Variants in KMT2C observed in about 807,000 individuals in gnomAD.
KMT2C encodes lysine methyltransferase 2C, also known as histone-lysine N-methyltransferase 2C.
In KMT2C, 88 loss-of-function variants were observed where a neutral mutation model predicts 507.9. That is an observed-to-expected ratio of 0.17 (90% confidence interval 0.15 to 0.21). The LOEUF (loss-of-function observed/expected upper bound fraction) is 0.21. KMT2C is among the 10% of genes least tolerant of loss of function. KMT2C has a pLI of 1.00. For missense variants in KMT2C, 4,954 were observed against 5,957.8 expected (o/e 0.83, Z 5.55); for synonymous variants, 2,049 against 2,080.8 (o/e 0.98, Z 0.42).
intron 14 of KMT2C, among the ~76,000 whole-genome samples, chr7:152,240,653 CCA>C (rs2095366164): frequency 6.6e-6 from 1 of 152,292 alleles, no homozygotes; most frequent in Admixed American, 6.5e-5. Flanking sequence ...CGGTTTCATC[CCA>C]GTCTTCCCCA....
chr7:152,154,070 T>G lies in KMT2C; in HGVS notation c.12216A>C (p.Pro4072=). 6.2e-7 allele frequency: 1 copy of G among 1,614,128 alleles called. No individual in the cohort carries two copies. The highest frequency in any genetic ancestry group is 8.5e-7 in the Non-Finnish European group (1 of 1,179,970). Residue 4072 remains proline, a synonymous_variant, in exon 48 of 59, where the codon CCA becomes CCC. Coordinates refer to ENST00000262189, the MANE Select transcript of KMT2C (RefSeq NM_170606.3). The part of the protein sequence containing the change: ...LYFASPFGPS[P]NGPRSGLISV... ...ATATAAGACCTGATCTGGGACCATT[T>G]GGGGAAGGACCAAAAGGTGACGCAA... is the stretch of plus-strand genomic sequence containing the variant.
chr7:152,203,295 CA>C (rs1165528113), intron 25 of KMT2C, among the ~76,000 whole-genome samples: 2 of 151,484 alleles, frequency 1.3e-5, no homozygotes, highest in Non-Finnish European at 2.9e-5. Context: ...GATTACAAAG[CA>C]AAAACGTATT....
At chr7:152,349,588 C>G (rs2097093529) in intron 2 of KMT2C, among the ~76,000 whole-genome samples, 1 of 152,054 alleles carries the variant, frequency 6.6e-6, no homozygotes, top group African/African-American at 2.4e-5. Context: ...AAAGGCAAAA[C>G]TATGGAGACA....
At chr7:152,431,534 A>C (rs1042828813) in intron 1 of KMT2C, among the ~76,000 whole-genome samples, 10 of 151,300 alleles carry the variant, frequency 6.6e-5, no homozygotes, top group African/African-American at 2.4e-4. Flanking sequence ...TGAACCTGGG[A>C]GGCGGAAGTT....
intron 9 of KMT2C, among the ~76,000 whole-genome samples, chr7:152,255,137 ATATATATACATATATATATATGTGTG>A (rs2095635565): frequency 7.8e-6 from 1 of 127,692 alleles, no homozygotes; most frequent in Non-Finnish European, 1.6e-5. Context: ...ATATATATAT[ATATATATACATATATATATATGTGTG>A]TGTGTGTGTG....
chr7:152,176,217 C>A lies in KMT2C; in HGVS notation c.9236G>T (p.Arg3079Leu). 1 of 1,610,096 alleles carries A rather than the reference C, an allele frequency of 6.2e-7. No individual in the cohort carries two copies. The highest frequency in any genetic ancestry group is 8.5e-7 in the Non-Finnish European group (1 of 1,177,854). ...QRQMQAMIRQ[R>L]SEPFFPNIDF... ...AATATTAGGGAAGAACGGTTCTGATCGCTGACGAATCATGGCTTGCATCTG... is the reference window on the plus strand; with the variant it reads ...AATATTAGGGAAGAACGGTTCTGATAGCTGACGAATCATGGCTTGCATCTG... The change falls in exon 38 of 59, where the codon CGA becomes CTA. Residue 3079 changes from arginine to leucine, a missense_variant. Arg to Leu is a moderately radical substitution (Grantham distance 102). Transcript: ENST00000262189.
chr7:152,400,193 TC>T (rs1482680600), intron 1 of KMT2C, among the ~76,000 whole-genome samples: 1 of 151,986 alleles, frequency 6.6e-6, no homozygotes, highest in Non-Finnish European at 1.5e-5. Context: ...GTGCCTGTAG[TC>T]CCAGTTACCT....
intron 3 of KMT2C, among the ~76,000 whole-genome samples, chr7:152,318,102 C>A (rs1302508802): frequency 6.6e-6 from 1 of 152,010 alleles, no homozygotes; most frequent in Non-Finnish European, 1.5e-5. Flanking sequence ...CGTGCCACTG[C>A]ACTCCAGCCT....
rs1491309235 is a variant in KMT2C at position 152,178,015 on chromosome 7, T to TTTA, written c.7443-6_7443-5insTAA. On this transcript the variant is annotated splice_polypyrimidine_tract_variant and splice_region_variant and intron_variant, in intron 37 of 58. Transcript: ENST00000262189. ...CTACCTCCTGGAAATCCAAATCTTT[T>TTTA]AAAAAAAAAAAAAAAAAAAAAAAAA... The TTTA allele has an allele frequency of 1.4e-5, 11 of 811,044 alleles. No individual in the cohort carries two copies. The African/African-American group carries it at 2.5e-4, about 18-fold the overall frequency. The allele number at this position is 811,044 out of a possible 1,614,324, so 50.2% of individuals were successfully genotyped here.
intron 1 of KMT2C, among the ~76,000 whole-genome samples, chr7:152,363,163 T>C (rs1177335041): frequency 1.3e-5 from 2 of 152,184 alleles, no homozygotes; most frequent in Non-Finnish European, 2.9e-5. Context: ...GAGTCAGATA[T>C]TTCCAGTTTC....
intron 9 of KMT2C, 137 bp from the exon 10 acceptor site, chr7:152,252,852 G>T (rs1238224606): frequency 3.1e-6 from 2 of 644,466 alleles, no homozygotes; most frequent in Non-Finnish European, 5.1e-6. Flanking sequence ...CTAATTTAGG[G>T]TACATGCTTT....
intron 2 of KMT2C, among the ~76,000 whole-genome samples, chr7:152,336,619 C>T (rs2096938244): frequency 6.6e-6 from 1 of 152,134 alleles, no homozygotes; most frequent in African/African-American, 2.4e-5. Context: ...AGCCATTCAA[C>T]CAATAAAACA....
chr7:152,257,865 GCACACA>G (rs113752747), intron 9 of KMT2C, among the ~76,000 whole-genome samples: 10 of 147,218 alleles, frequency 6.8e-5, no homozygotes, highest in South Asian at 2.1e-4. Flanking sequence ...ACACACACAC[GCACACA>G]CACACACACA....
Position 152,396,455 on chromosome 7 carries a change from T to C in KMT2C, c.162-37780A>G, listed in dbSNP as rs114780212. Reference sequence around the variant, plus strand: ...CACTTAGGATAGTGCTTGGCATACATTAAACCAATTAATAGTTTTCATTTT... The same window carrying C: ...CACTTAGGATAGTGCTTGGCATACACTAAACCAATTAATAGTTTTCATTTT... On this transcript the variant is annotated intron_variant, in intron 1 of 58. Coordinates refer to ENST00000262189, the MANE Select transcript of KMT2C (RefSeq NM_170606.3). Among the ~76,000 whole-genome samples, 1,315 of 152,298 alleles carry C rather than the reference T, an allele frequency of 8.6e-3. 21 individuals are homozygous for C. Among genetic ancestry groups the C allele is most frequent in the African/African-American group, 0.03 (1,264 of 41,542 alleles).
At chr7:152,422,867 C>A (rs867839369) in intron 1 of KMT2C, among the ~76,000 whole-genome samples, 78 of 151,246 alleles carry the variant, frequency 5.2e-4, no homozygotes, top group Middle Eastern at 6.8e-3. Flanking sequence ...AATAAAAATA[C>A]AAAAAATTAG....
At chr7:152,256,231 T>C (rs1391595931) in intron 9 of KMT2C, among the ~76,000 whole-genome samples, 2 of 151,632 alleles carry the variant, frequency 1.3e-5, no homozygotes, top group Admixed American at 1.3e-4. Context: ...CTCTATACCC[T>C]CAGTGTAGGG....
rs1466380666 is a variant in KMT2C at position 152,135,762 on chromosome 7, ATAT to A, written c.*1067_*1069del. On this transcript the variant is annotated 3_prime_UTR_variant, in exon 59 of 59. Transcript: ENST00000262189. ...GAAGAAGTAGGGATGCAACAATATAATATGAAAAAATTAGTTTAAATTACCAAA... is the reference window on the plus strand; with the variant it reads ...GAAGAAGTAGGGATGCAACAATATAAGAAAAAATTAGTTTAAATTACCAAA... The A allele has an allele frequency of 8.8e-6, 2 of 228,536 alleles. No individual in the cohort carries two copies. The highest frequency in any genetic ancestry group is 1.7e-5 in the Non-Finnish European group (2 of 114,954). The allele number at this position is 228,536 out of a possible 1,614,324, so 14.2% of individuals were successfully genotyped here. A position where few individuals can be genotyped will look rare whatever the true frequency, so the allele number is the denominator to read the frequency against.
At chr7:152,263,385 G>A (rs1256590352) in intron 8 of KMT2C, among the ~76,000 whole-genome samples, 1 of 152,182 alleles carries the variant, frequency 6.6e-6, no homozygotes, top group Non-Finnish European at 1.5e-5. Flanking sequence ...AAGGGTTAAG[G>A]CAAGATGAAT....
chr7:152,425,517 C>T (rs1460342634), intron 1 of KMT2C, among the ~76,000 whole-genome samples: 4 of 152,184 alleles, frequency 2.6e-5, no homozygotes, highest in African/African-American at 4.8e-5. Context: ...GCATAGGTTG[C>T]AGTAAGCCGA....
Sources: gnomAD v4.1 joint callset for allele counts (sites outside exome capture counted in the v4.1 genomes callset) on GRCh38, gnomAD v4.1.1 for gene constraint, MANE v1.5 for transcripts, NCBI Gene and HGNC (gene_info 2026-07-23, HGNC 2026-07-21) for gene names.